KCNN3: variants seen among roughly 807,000 people sequenced by gnomAD.
KCNN3 encodes potassium calcium-activated channel subfamily N member 3.
A neutral mutation model predicts 62.9 loss-of-function variants in KCNN3; 16 were observed. The observed-to-expected ratio is 0.25, with a 90% confidence interval of 0.17 to 0.39. The LOEUF is 0.39. KCNN3 is among the 10% of genes least tolerant of loss of function. KCNN3 has a pLI of 1.00. For missense variants in KCNN3, 599 were observed against 949.4 expected (o/e 0.63, Z 4.85); for synonymous variants, 370 against 389.2 (o/e 0.95, Z 0.58).
rs542911983 is a variant in KCNN3, at chr1:154,778,702, A to T, written c.1030-6309T>A. ...TGGCACCATCTGCCTCCCGGGTTCA[A>T]GCGATTCTCCTGCCTCAGCCTCCTG... is the stretch of plus-strand genomic sequence containing the variant. On this transcript the variant is annotated intron_variant, in intron 2 of 7. Transcript: ENST00000271915. Among the ~76,000 whole-genome samples, 3 of 147,290 alleles carry T rather than the reference A, an allele frequency of 2.0e-5. No homozygotes were observed. The East Asian group carries it at 6.1e-4, about 30-fold the overall frequency.
At chr1:154,855,384 A>G (rs1652479434) in intron 1 of KCNN3, among the ~76,000 whole-genome samples, 1 of 152,158 alleles carries the variant, frequency 6.6e-6, no homozygotes, top group South Asian at 2.1e-4. Context: ...TTCACTCTCC[A>G]CTCACTCACT....
chr1:154,722,729 C>CT (rs374485465), intron 5 of KCNN3, among the ~76,000 whole-genome samples: 4,840 of 133,806 alleles, frequency 0.036, 103 homozygotes, highest in Non-Finnish European at 0.052. Context: ...GTGAGTATTT[C>CT]TTTTTTTTTT....
chr1:154,754,155 T>C (rs1008030689), intron 3 of KCNN3, among the ~76,000 whole-genome samples: 3 of 152,190 alleles, frequency 2.0e-5, no homozygotes, highest in Non-Finnish European at 4.4e-5. Context: ...TTTAAAAATA[T>C]GGACTTAATC....
At chr1:154,709,803 G>T (rs1030255870) in intron 7 of KCNN3, among the ~76,000 whole-genome samples, 2 of 152,082 alleles carry the variant, frequency 1.3e-5, no homozygotes, top group Non-Finnish European at 2.9e-5. Flanking sequence ...CATTCTTCCC[G>T]GAATGTGCAA....
chr1:154,724,129 CA>C (rs1700412680), intron 5 of KCNN3, among the ~76,000 whole-genome samples: 1 of 152,170 alleles, frequency 6.6e-6, no homozygotes. Flanking sequence ...AGGCTCTTTA[CA>C]GAATCCAATA....
chr1:154,816,609 T>G (rs1024773323), intron 2 of KCNN3, among the ~76,000 whole-genome samples: 11 of 152,190 alleles, frequency 7.2e-5, no homozygotes, highest in Non-Finnish European at 1.5e-4. Context: ...CCTGGGGCTC[T>G]GAGCCAGGCA....
rs567476983 is a variant in KCNN3 at position 154,749,921 on chromosome 1, C to T, written c.1449-16777G>A. ...GGGAGTGCAGCTGTCCCTGACCTCT[C>T]GCCTCTTTCCATAGGCCTGGGCTAC... On this transcript the variant is annotated intron_variant, in intron 3 of 7. Transcript: ENST00000271915. Among the ~76,000 whole-genome samples, 7 of 152,272 alleles carry T rather than the reference C, an allele frequency of 4.6e-5. No homozygotes were observed. The South Asian group carries it at 1.4e-3, about 32-fold the overall frequency.
At chr1:154,797,537 G>A (rs1427745118) in intron 2 of KCNN3, among the ~76,000 whole-genome samples, 4 of 152,106 alleles carry the variant, frequency 2.6e-5, no homozygotes, top group Admixed American at 6.6e-5. Context: ...GCCACATTCC[G>A]TTCTTTGTCT....
chr1:154,783,311 G>C (rs1047657699), intron 2 of KCNN3, among the ~76,000 whole-genome samples: 4 of 152,154 alleles, frequency 2.6e-5, no homozygotes, highest in African/African-American at 9.7e-5. Context: ...ATCAATATAT[G>C]ATTAAAATAA....
At chr1:154,806,772 A>G (rs913547946) in intron 2 of KCNN3, among the ~76,000 whole-genome samples, 4 of 152,220 alleles carry the variant, frequency 2.6e-5, no homozygotes, top group East Asian at 1.9e-4. Context: ...TTGGTGCCCA[A>G]TGAATAAATC....
intron 1 of KCNN3, among the ~76,000 whole-genome samples, chr1:154,865,353 A>T (rs781539392): frequency 2.9e-5 from 4 of 138,546 alleles, no homozygotes; most frequent in Non-Finnish European, 4.7e-5. Context: ...CCTGCCTATT[A>T]AAAAAAAAAA....
At chr1:154,841,065 A>G (rs1184712321) in intron 1 of KCNN3, among the ~76,000 whole-genome samples, 1 of 152,188 alleles carries the variant, frequency 6.6e-6, no homozygotes, top group Non-Finnish European at 1.5e-5. Context: ...GGGGCCTGTC[A>G]GAAAGACTGA....
At chr1:154,791,593 G>A (rs1649521333) in intron 2 of KCNN3, among the ~76,000 whole-genome samples, 1 of 152,182 alleles carries the variant, frequency 6.6e-6, no homozygotes, top group South Asian at 2.1e-4. Flanking sequence ...AGTCACTGCT[G>A]TGGTCAAGAA....
At chr1:154,739,833 G>A (rs535363093) in intron 3 of KCNN3, among the ~76,000 whole-genome samples, 9 of 152,376 alleles carry the variant, frequency 5.9e-5, no homozygotes, top group African/African-American at 2.2e-4. Flanking sequence ...AAGGGACACA[G>A]CCTGCCAACC....
chr1:154,792,688 T>C (rs953243519), intron 2 of KCNN3, among the ~76,000 whole-genome samples: 1 of 152,132 alleles, frequency 6.6e-6, no homozygotes, highest in Non-Finnish European at 1.5e-5. Context: ...GAGAGAGAAT[T>C]TGAGGGAAGA....
intron 1 of KCNN3, among the ~76,000 whole-genome samples, chr1:154,852,351 A>G (rs1652338106): frequency 6.7e-6 from 1 of 150,218 alleles, no homozygotes; most frequent in Non-Finnish European, 1.5e-5. Flanking sequence ...CCACAGGCAT[A>G]TGCCACACAC....
At chr1:154,834,708 C>T (rs1651515334) in intron 1 of KCNN3, among the ~76,000 whole-genome samples, 1 of 152,156 alleles carries the variant, frequency 6.6e-6, no homozygotes. Context: ...CTCACTTAAT[C>T]CTCACAGGAA....
intron 4 of KCNN3, 102 bp downstream of exon 4, chr1:154,732,901 C>T (rs537571408): frequency 7.6e-7 from 1 of 1,321,864 alleles, no homozygotes. Context: ...CTAACAGCCA[C>T]CCCCCGCTCT....
intron 2 of KCNN3, among the ~76,000 whole-genome samples, chr1:154,801,136 TG>T (rs57083026): frequency 0.67 from 101,338 of 151,666 alleles, 35,692 homozygotes; most frequent in East Asian, 0.9. Context: ...GGAAAGGAGG[TG>T]GGGGGGAGAG....
Sources: gnomAD v4.1 joint callset for allele counts (sites outside exome capture counted in the v4.1 genomes callset) on GRCh38, gnomAD v4.1.1 for gene constraint, MANE v1.5 for transcripts, NCBI Gene and HGNC (gene_info 2026-07-23, HGNC 2026-07-21) for gene names.